Variants in CPEB1 observed in about 807,000 individuals in gnomAD.
CPEB1 encodes cytoplasmic polyadenylation element binding protein 1, also known as cytoplasmic polyadenylation element-binding protein 1.
CPEB1 carries 7 observed loss-of-function variants against 65.8 expected under a neutral mutation model. That is an observed-to-expected ratio of 0.11 (90% CI 0.06 to 0.20). The LOEUF is 0.20. CPEB1 is among the 10% of genes least tolerant of loss of function. CPEB1 has a pLI of 1.00. For synonymous variants in CPEB1, 262 were observed against 260.0 expected (o/e 1.01, Z -0.08); for missense variants, 551 against 712.2 (o/e 0.77, Z 2.58).
chr15:82,593,230 T>C (rs2042403548), intron 3 of CPEB1, among the ~76,000 whole-genome samples: 1 of 152,216 alleles, frequency 6.6e-6, no homozygotes, highest in Non-Finnish European at 1.5e-5. Flanking sequence ...TGATAACATT[T>C]TACCTACCAT....
intron 4 of CPEB1, among the ~76,000 whole-genome samples, chr15:82,566,303 T>A (rs2151022280): frequency 6.6e-6 from 1 of 152,154 alleles, no homozygotes; most frequent in East Asian, 1.9e-4. Context: ...GGGGAAAAAA[T>A]CTAACGGGGA....
intron 1 of CPEB1, chr15:82,629,510 T>C (rs1251470380): frequency 1.0e-6 from 1 of 985,244 alleles, no homozygotes; most frequent in South Asian, 4.7e-5. Flanking sequence ...GTATTCCCTA[T>C]CTCGGTAAAT....
intron 3 of CPEB1, among the ~76,000 whole-genome samples, chr15:82,614,151 C>A (rs1377145138): frequency 6.6e-6 from 1 of 152,050 alleles, no homozygotes; most frequent in Non-Finnish European, 1.5e-5. Context: ...CTTCGTCACT[C>A]CTAACCACAT....
intron 3 of CPEB1, among the ~76,000 whole-genome samples, chr15:82,604,980 G>A (rs2043436371): frequency 6.6e-6 from 1 of 151,936 alleles, no homozygotes; most frequent in Non-Finnish European, 1.5e-5. Flanking sequence ...ACATAGAAAG[G>A]GCAAAACTGC....
intron 3 of CPEB1, among the ~76,000 whole-genome samples, chr15:82,610,981 AAAAAAAAG>A (rs781581118): frequency 3.2e-4 from 43 of 135,204 alleles, no homozygotes; most frequent in African/African-American, 1.1e-3. Context: ...AAAAAAAAAA[AAAAAAAAG>A]AAAAAAAGAA....
At chr15:82,638,622 G>C (rs917482669) in intron 1 of CPEB1, 31 of 152,008 alleles carry the variant, frequency 2.0e-4, no homozygotes, top group African/African-American at 6.8e-4. Context: ...ACCATAGTTT[G>C]TTAGTTGTTC....
intron 3 of CPEB1, among the ~76,000 whole-genome samples, chr15:82,598,350 C>T (rs540770105): frequency 8.6e-5 from 13 of 151,552 alleles, no homozygotes; most frequent in East Asian, 3.9e-4. Flanking sequence ...AAAAATTACC[C>T]GGGCATGGTG....
chr15:82,545,120 G>A (rs997085788), intron 12 of CPEB1, among the ~76,000 whole-genome samples: 4 of 152,290 alleles, frequency 2.6e-5, no homozygotes, highest in Admixed American at 1.3e-4. Flanking sequence ...TTCCCATTAA[G>A]TGAGGAGAGG....
chr15:82,606,464 C>A (rs1230150417), intron 3 of CPEB1, among the ~76,000 whole-genome samples: 6 of 141,372 alleles, frequency 4.2e-5, no homozygotes, highest in Non-Finnish European at 6.1e-5. Context: ...AGGGATACTC[C>A]GTCTCAAAAA....
At chr15:82,629,619 A>C in intron 1 of CPEB1, 3 of 985,452 alleles carry the variant, frequency 3.0e-6, no homozygotes, top group Non-Finnish European at 3.6e-6. Context: ...CATAAGAAGC[A>C]ATGAAATATT....
At chr15:82,568,957 T>C (rs2039589963) in intron 4 of CPEB1, among the ~76,000 whole-genome samples, 1 of 152,136 alleles carries the variant, frequency 6.6e-6, no homozygotes, top group Non-Finnish European at 1.5e-5. Flanking sequence ...CCTTGGGCAA[T>C]ATATCACCAA....
rs1197822662 is a variant in CPEB1, at chr15:82,544,331, TGGGAAAAC to T, written c.*253_*260del. On this transcript the variant is annotated 3_prime_UTR_variant, in exon 13 of 13. Coordinates refer to ENST00000684509, the MANE Select transcript of CPEB1 (RefSeq NM_001365242.1). The stretch of plus-strand genomic sequence containing the variant: ...ATCTGCAAAATGAGGAACTAAAATC[TGGGAAAAC>T]TACAGAGTCGCTTGGAGGGTAAGCC... 3.4e-6 allele frequency: 1 copy of T among 290,242 alleles called. No homozygotes were observed. Among genetic ancestry groups the T allele is most frequent in the East Asian group, 5.3e-5 (1 of 18,716 alleles). 18.0% of individuals were successfully genotyped at this position (290,242 alleles called of 1,614,324 possible).
chr15:82,587,918 GTTTTGT>G (rs150958507), intron 3 of CPEB1, among the ~76,000 whole-genome samples: 21,941 of 151,620 alleles, frequency 0.14, 1,687 homozygotes, highest in Non-Finnish European at 0.19. Flanking sequence ...ATTTTGTTTT[GTTTTGT>G]TTTTGTTTTT....
chr15:82,604,206 A>G (rs1313492), intron 3 of CPEB1, among the ~76,000 whole-genome samples: 105,051 of 152,052 alleles, frequency 0.69, 37,160 homozygotes, highest in African/African-American at 0.85. Flanking sequence ...ACAACGGGCC[A>G]GGTGCAGTGG....
intron 1 of CPEB1, among the ~76,000 whole-genome samples, chr15:82,631,982 CT>C (rs10656923): frequency 0.014 from 1,764 of 124,950 alleles, 10 homozygotes; most frequent in African/African-American, 0.036. Flanking sequence ...ATTTTTTTCT[CT>C]TTTTTTTTTT....
At chr15:82,603,204 CAA>C (rs1381758532) in intron 3 of CPEB1, among the ~76,000 whole-genome samples, 1 of 151,978 alleles carries the variant, frequency 6.6e-6, no homozygotes. Context: ...ACTGAAAGGA[CAA>C]AACAGTTGGA....
Position 82,559,637 on chromosome 15 carries a change from T to C in CPEB1, c.461-1651A>G, listed in dbSNP as rs555525144. Among the ~76,000 whole-genome samples the C allele has an allele frequency of 2.0e-5, 3 of 152,286 alleles. 1 individual carries two copies. In the South Asian group the frequency reaches 6.2e-4, roughly 32 times the overall value. On this transcript the variant is annotated intron_variant, in intron 4 of 12. Coordinates refer to ENST00000684509, the MANE Select transcript of CPEB1 (RefSeq NM_001365242.1). ...CACAGCACATCCAGCAAGGAGTTAG[T>C]TTAGCATTTTGTTTTTCAAGGAAAC...
At chr15:82,552,988 TG>T (rs2036549392) in intron 8 of CPEB1, among the ~76,000 whole-genome samples, 1 of 152,200 alleles carries the variant, frequency 6.6e-6, no homozygotes, top group African/African-American at 2.4e-5. Flanking sequence ...TCAATGAAGA[TG>T]GGGCAGGGTG....
At chr15:82,624,311 C>A (rs995206709) in intron 3 of CPEB1, among the ~76,000 whole-genome samples, 3 of 152,140 alleles carry the variant, frequency 2.0e-5, no homozygotes, top group East Asian at 1.9e-4. Context: ...TGACAGAAAC[C>A]TTTCCTAGAA....
Sources: gnomAD v4.1 joint callset for allele counts (sites outside exome capture counted in the v4.1 genomes callset) on GRCh38, gnomAD v4.1.1 for gene constraint, MANE v1.5 for transcripts, NCBI Gene and HGNC (gene_info 2026-07-23, HGNC 2026-07-21) for gene names.